Variants in CCPG1 observed in about 807,000 individuals in gnomAD.
The protein encoded by CCPG1 is cell cycle progression 1.
A neutral mutation model predicts 81.3 loss-of-function variants in CCPG1; 46 were observed. The ratio of observed to expected loss-of-function variants is 0.57; its 90% CI spans 0.45 to 0.72. The LOEUF (loss-of-function observed/expected upper bound fraction) is 0.72, where lower values mean the gene tolerates loss of function less well. Among genes scored for constraint, CCPG1 ranks in the 30% least tolerant of loss-of-function variants. CCPG1 has a pLI of 0.00. For synonymous variants in CCPG1, 330 were observed against 305.2 expected, an observed-to-expected ratio of 1.08 and a Z score of -0.85; for missense variants, 902 against 937.6, an observed-to-expected ratio of 0.96 and a Z score of 0.50.
At chr15:55,390,447 C>A (rs1298010928) in intron 1 of CCPG1, among the ~76,000 whole-genome samples, 1 of 151,712 alleles carries the variant, frequency 6.6e-6, no homozygotes, top group African/African-American at 2.4e-5. Context: ...AAATAGTACT[C>A]CTACTGATTT....
chr15:55,388,939 G>A (rs957002552), intron 2 of CCPG1, among the ~76,000 whole-genome samples: 3 of 151,130 alleles, frequency 2.0e-5, no homozygotes, highest in South Asian at 2.1e-4. Context: ...ATGGTAGCAG[G>A]CACCTGTAAT....
rs1194678627 is a variant in CCPG1 at position 55,356,522 on chromosome 15, T to C, written c.2235-113A>G. Reference sequence around the variant, plus strand: ...ATGATCTGAACACTGATAAAAGATATTAAATATCTGAATTACAATCCTAGT... The same window carrying C: ...ATGATCTGAACACTGATAAAAGATACTAAATATCTGAATTACAATCCTAGT... On this transcript the variant is annotated intron_variant, in intron 8 of 8. Transcript: ENST00000442196. The C allele has an allele frequency of 1.3e-5, 17 of 1,278,894 alleles. No individual in the cohort carries two copies. The East Asian group carries it at 3.3e-4, about 25-fold the overall frequency. 79.2% of individuals were successfully genotyped at this position (1,278,894 alleles called of 1,614,324 possible). A position where few individuals can be genotyped will look rare whatever the true frequency, so the allele number is the denominator to read the frequency against.
chr15:55,383,688 T>G (rs1438212514), intron 3 of CCPG1, among the ~76,000 whole-genome samples: 1 of 152,232 alleles, frequency 6.6e-6, no homozygotes, highest in African/African-American at 2.4e-5. Flanking sequence ...ACCTTGCACT[T>G]TTATGTTACG....
chr15:55,383,898 G>T (rs1276113112), intron 3 of CCPG1, among the ~76,000 whole-genome samples: 1 of 152,170 alleles, frequency 6.6e-6, no homozygotes, highest in Non-Finnish European at 1.5e-5. Flanking sequence ...CTCCATGTCA[G>T]CAATAAGGCT....
At chr15:55,392,226 T>TC (rs1223742529) in intron 1 of CCPG1, among the ~76,000 whole-genome samples, 2 of 149,708 alleles carry the variant, frequency 1.3e-5, no homozygotes, top group Non-Finnish European at 3.0e-5. Flanking sequence ...TTTTTTTTTT[T>TC]TTTTGAGACG....
intron 1 of CCPG1, among the ~76,000 whole-genome samples, chr15:55,405,103 G>A (rs1201974656): frequency 6.6e-6 from 1 of 152,134 alleles, no homozygotes; most frequent in African/African-American, 2.4e-5. Context: ...GGTCACGTCT[G>A]TAATCCCAGC....
chr15:55,403,521 C>T (rs1259362941), intron 1 of CCPG1, among the ~76,000 whole-genome samples: 7 of 152,088 alleles, frequency 4.6e-5, no homozygotes, highest in Non-Finnish European at 8.8e-5. Flanking sequence ...GAGGTTTCCA[C>T]ACATTAAATA....
At chr15:55,388,545 C>T (rs573641523) in intron 2 of CCPG1, among the ~76,000 whole-genome samples, 1 of 152,272 alleles carries the variant, frequency 6.6e-6, no homozygotes, top group East Asian at 1.9e-4. Flanking sequence ...CCTCTCTAAG[C>T]TTTAGTTTTC....
At chr15:55,392,143 G>A (rs888524477) in intron 1 of CCPG1, among the ~76,000 whole-genome samples, 4 of 148,030 alleles carry the variant, frequency 2.7e-5, no homozygotes, top group African/African-American at 9.9e-5. Flanking sequence ...GAATATGAAA[G>A]TTCTTTAAAA....
At position 55,391,958 on chromosome 15, in the gene CCPG1, G is replaced by T. The variant is rs925688996; in HGVS notation, c.-9-2525C>A. Among the ~76,000 whole-genome samples, 6 of 137,550 alleles carry T rather than the reference G, an allele frequency of 4.4e-5. No homozygotes were observed. In the South Asian group the frequency reaches 7.3e-4, roughly 17 times the overall value. 90.2% of individuals were successfully genotyped at this position (137,550 alleles called of 152,430 possible). The stretch of plus-strand genomic sequence containing the variant: ...ACGGAGAGGCCAAGACGGAAGGACC[G>T]CTCAAGTCCAAGAGTTCAAGATCAG... On this transcript the variant is annotated intron_variant, in intron 1 of 8. Transcript: ENST00000442196.
At chr15:55,397,934 G>A (rs2057053006) in intron 1 of CCPG1, among the ~76,000 whole-genome samples, 1 of 151,770 alleles carries the variant, frequency 6.6e-6, no homozygotes, top group Non-Finnish European at 1.5e-5. Context: ...CCGAGACTAT[G>A]CCACGGCACT....
intron 2 of CCPG1, among the ~76,000 whole-genome samples, chr15:55,386,193 CA>C (rs34646724): frequency 0.58 from 59,725 of 103,800 alleles, 15,242 homozygotes; most frequent in Non-Finnish European, 0.67. Flanking sequence ...AATTCCGTCT[CA>C]AAAAAAAAAA....
At chr15:55,369,700 G>C (rs1280182559) in intron 6 of CCPG1, among the ~76,000 whole-genome samples, 1 of 152,128 alleles carries the variant, frequency 6.6e-6, no homozygotes, top group Non-Finnish European at 1.5e-5. Flanking sequence ...AAAGGACAAT[G>C]TTTTATTAAT....
chr15:55,368,799 T>C (rs2056384887), intron 6 of CCPG1, among the ~76,000 whole-genome samples: 1 of 152,220 alleles, frequency 6.6e-6, no homozygotes, highest in Admixed American at 6.5e-5. Context: ...ATTCAATTAG[T>C]AATATGGTAT....
At chr15:55,401,597 T>G (rs1595868696) in intron 1 of CCPG1, among the ~76,000 whole-genome samples, 1 of 147,960 alleles carries the variant, frequency 6.8e-6, no homozygotes. Flanking sequence ...AACCAGGAGG[T>G]GGAGGTTGCA....
intron 1 of CCPG1, among the ~76,000 whole-genome samples, chr15:55,400,399 T>C (rs955258066): frequency 6.6e-6 from 1 of 151,414 alleles, no homozygotes; most frequent in Non-Finnish European, 1.5e-5. Context: ...TCCCAGCTAC[T>C]TGGGAGGCTG....
chr15:55,396,967 C>T (rs571070509), intron 1 of CCPG1, among the ~76,000 whole-genome samples: 1 of 152,074 alleles, frequency 6.6e-6, no homozygotes, highest in East Asian at 1.9e-4. Context: ...CACTCCAGGC[C>T]GAGGTGGGCG....
At chr15:55,397,793 A>G (rs1285990408) in intron 1 of CCPG1, among the ~76,000 whole-genome samples, 1 of 152,194 alleles carries the variant, frequency 6.6e-6, no homozygotes, top group Non-Finnish European at 1.5e-5. Flanking sequence ...CCTGACCAAC[A>G]TGGTGAAACC....
At chr15:55,371,531 T>C (rs910136946) in intron 6 of CCPG1, among the ~76,000 whole-genome samples, 4 of 152,248 alleles carry the variant, frequency 2.6e-5, no homozygotes, top group African/African-American at 9.6e-5. Flanking sequence ...AATCTTCCAA[T>C]CTTTTAACTT....
Sources: allele counts gnomAD v4.1 joint callset (sites outside exome capture counted in the v4.1 genomes callset), GRCh38; gene constraint gnomAD v4.1.1; transcripts MANE v1.5; gene names NCBI Gene and HGNC (gene_info 2026-07-23, HGNC 2026-07-21).